CAMK1D: variants seen among roughly 807,000 people sequenced by gnomAD.
CAMK1D encodes the protein calcium/calmodulin-dependent protein kinase type 1D.
In CAMK1D, 9 loss-of-function variants were observed where a neutral mutation model predicts 47.7. The observed-to-expected ratio is 0.19, with a 90% CI of 0.11 to 0.33. The LOEUF (loss-of-function observed/expected upper bound fraction) is 0.33. Among genes scored for constraint, CAMK1D ranks in the 10% least tolerant of loss-of-function variants. CAMK1D has a pLI of 1.00. For missense variants in CAMK1D, 291 were observed against 488.7 expected, an observed-to-expected ratio of 0.60 and a Z score of 3.81; for synonymous variants, 184 against 184.9, an observed-to-expected ratio of 0.99 and a Z score of 0.04.
rs181759715 is a variant in CAMK1D at position 12,422,722 on chromosome 10, G to T, written c.92+72812G>T. On this transcript the variant is annotated intron_variant, in intron 1 of 10. Transcript: ENST00000619168. Reference sequence around the variant, plus strand: ...GAGTCTCAGTCTGTCGCCCAGGCTGGAGTGCAGTGGCATAATCTCGGCTCA... The same window carrying T: ...GAGTCTCAGTCTGTCGCCCAGGCTGTAGTGCAGTGGCATAATCTCGGCTCA... Among the ~76,000 whole-genome samples the T allele has an allele frequency of 2.1e-4, 32 of 151,986 alleles. No homozygotes were observed. In the East Asian group the frequency reaches 5.6e-3, roughly 27 times the overall value.
At chr10:12,529,848 A>T (rs1215978131) in intron 1 of CAMK1D, among the ~76,000 whole-genome samples, 1 of 152,196 alleles carries the variant, frequency 6.6e-6, no homozygotes, top group East Asian at 1.9e-4. Context: ...GCCTTTCAGG[A>T]TGAATATGAT....
At chr10:12,598,730 G>T (rs1838216635) in intron 2 of CAMK1D, among the ~76,000 whole-genome samples, 1 of 152,152 alleles carries the variant, frequency 6.6e-6, no homozygotes, top group South Asian at 2.1e-4. Flanking sequence ...ACTTTGAGGT[G>T]GTCCATTGAG....
At chr10:12,766,258 C>T (rs1028884567) in intron 4 of CAMK1D, among the ~76,000 whole-genome samples, 8 of 151,380 alleles carry the variant, frequency 5.3e-5, no homozygotes, top group South Asian at 4.2e-4. Context: ...AGGTGTGAGC[C>T]CCCCCTCCTC....
intron 10 of CAMK1D, 198 bp downstream of exon 10, chr10:12,825,888 AC>A: frequency 1.3e-6 from 1 of 797,940 alleles, no homozygotes; most frequent in Non-Finnish European, 1.9e-6. Flanking sequence ...TGTAATCCCA[AC>A]ACTTTGGGAG....
intron 1 of CAMK1D, among the ~76,000 whole-genome samples, chr10:12,507,345 AG>A (rs199987630): frequency 0.017 from 2,657 of 152,320 alleles, 80 homozygotes; most frequent in African/African-American, 0.06. Flanking sequence ...GTTGTTGCTT[AG>A]AGGATTCTGT....
chr10:12,455,094 A>G (rs1833202243), intron 1 of CAMK1D, among the ~76,000 whole-genome samples: 1 of 152,210 alleles, frequency 6.6e-6, no homozygotes, highest in Non-Finnish European at 1.5e-5. Context: ...ATTTTCCAGT[A>G]TTCCAAAACC....
intron 2 of CAMK1D, among the ~76,000 whole-genome samples, chr10:12,650,002 C>A (rs147950258): frequency 1.3e-5 from 2 of 152,200 alleles, no homozygotes; most frequent in Non-Finnish European, 2.9e-5. Flanking sequence ...AGAGAAAACA[C>A]CGCCTTTAGT....
At chr10:12,819,152 A>C (rs1198305783) in intron 8 of CAMK1D, among the ~76,000 whole-genome samples, 1 of 152,108 alleles carries the variant, frequency 6.6e-6, no homozygotes, top group Non-Finnish European at 1.5e-5. Flanking sequence ...CAAAGAAGGG[A>C]GAGGTCAGTT....
chr10:12,691,175 C>T (rs1262823577), intron 3 of CAMK1D, among the ~76,000 whole-genome samples: 1 of 151,550 alleles, frequency 6.6e-6, no homozygotes, highest in Non-Finnish European at 1.5e-5. Context: ...TAAAGGGATG[C>T]TTGCAACTGA....
chr10:12,694,197 T>TTATATATTATATAAAA (rs1564498427), intron 3 of CAMK1D, among the ~76,000 whole-genome samples: 4 of 3,182 alleles, frequency 1.3e-3, no homozygotes, highest in Admixed American at 5.7e-3. Flanking sequence ...ATAATATATA[T>TTATATATTATATAAAA]TATATATTAT....
At chr10:12,780,503 T>A (rs534421818) in intron 5 of CAMK1D, among the ~76,000 whole-genome samples, 2 of 152,186 alleles carry the variant, frequency 1.3e-5, no homozygotes, top group Admixed American at 1.3e-4. Context: ...CTGGCCATCA[T>A]TGTTCCTGTC....
intron 2 of CAMK1D, among the ~76,000 whole-genome samples, chr10:12,565,218 G>A (rs1281336339): frequency 2.0e-5 from 3 of 151,078 alleles, no homozygotes; most frequent in African/African-American, 4.9e-5. Flanking sequence ...CTCTGAAAAC[G>A]AATAAATACC....
At chr10:12,418,227 G>A (rs908538681) in intron 1 of CAMK1D, among the ~76,000 whole-genome samples, 2 of 152,220 alleles carry the variant, frequency 1.3e-5, no homozygotes, top group Non-Finnish European at 2.9e-5. Flanking sequence ...GTCAGATGAG[G>A]CAGAGAACAT....
At chr10:12,510,647 A>AC (rs1441126330) in intron 1 of CAMK1D, among the ~76,000 whole-genome samples, 1 of 152,040 alleles carries the variant, frequency 6.6e-6, no homozygotes, top group East Asian at 1.9e-4. Context: ...CACCTCCGGG[A>AC]CCCCCCTACG....
intron 1 of CAMK1D, among the ~76,000 whole-genome samples, chr10:12,534,664 C>G (rs948939995): frequency 6.6e-6 from 1 of 152,224 alleles, no homozygotes; most frequent in African/African-American, 2.4e-5. Flanking sequence ...CAGCGCCTGG[C>G]CAAACCTCCA....
chr10:12,430,019 C>T (rs940112338), intron 1 of CAMK1D, among the ~76,000 whole-genome samples: 3 of 152,052 alleles, frequency 2.0e-5, no homozygotes, highest in Admixed American at 6.6e-5. Flanking sequence ...CTCCTGCTTG[C>T]TTGCTTCTCT....
intron 1 of CAMK1D, among the ~76,000 whole-genome samples, chr10:12,352,596 G>A (rs932868625): frequency 6.6e-6 from 1 of 151,874 alleles, no homozygotes; most frequent in Admixed American, 6.6e-5. Flanking sequence ...GCCACAGAGT[G>A]AGACTCGGTC....
intron 2 of CAMK1D, among the ~76,000 whole-genome samples, chr10:12,576,292 G>A (rs1196157468): frequency 6.6e-6 from 1 of 151,976 alleles, no homozygotes; most frequent in Non-Finnish European, 1.5e-5. Context: ...GTACTGAAGG[G>A]GGCACATAGT....
chr10:12,728,688 C>A (rs1834761386), intron 3 of CAMK1D, among the ~76,000 whole-genome samples: 1 of 152,248 alleles, frequency 6.6e-6, no homozygotes, highest in South Asian at 2.1e-4. Flanking sequence ...GTTTCTCTGG[C>A]TGCCCTTTCA....
Sources: allele counts gnomAD v4.1 joint callset (sites outside exome capture counted in the v4.1 genomes callset), GRCh38; gene constraint gnomAD v4.1.1; transcripts MANE v1.5; gene names NCBI Gene and HGNC (gene_info 2026-07-23, HGNC 2026-07-21).